Variants in ITPR1 observed in about 807,000 individuals in gnomAD.
ITPR1 encodes the protein inositol 1,4,5-trisphosphate-gated calcium channel ITPR1.
ITPR1 carries 96 observed loss-of-function variants against 318.4 expected under a neutral mutation model. The ratio of observed to expected loss-of-function variants is 0.30; its 90% CI spans 0.26 to 0.36. The LOEUF (loss-of-function observed/expected upper bound fraction) is 0.36, where lower values mean the gene tolerates loss of function less well. Among genes scored for constraint, ITPR1 ranks in the 10% least tolerant of loss-of-function variants. The pLI is 1.00. For synonymous variants in ITPR1, 1,312 were observed against 1,289.9 expected (o/e 1.02, Z -0.37); for missense variants, 2,440 against 3,460.2 (o/e 0.71, Z 7.40).
intron 7 of ITPR1, among the ~76,000 whole-genome samples, chr3:4,642,671 T>A (rs1010690665): frequency 6.6e-6 from 1 of 152,208 alleles, no homozygotes; most frequent in Non-Finnish European, 1.5e-5. Context: ...GAATTTGGGA[T>A]CAGCCTCATT....
intron 12 of ITPR1, among the ~76,000 whole-genome samples, chr3:4,656,055 C>G (rs1425491075): frequency 6.6e-6 from 1 of 152,172 alleles, no homozygotes; most frequent in Non-Finnish European, 1.5e-5. Context: ...GCTCGTCCTT[C>G]TAAATTCAGC....
intron 24 of ITPR1, among the ~76,000 whole-genome samples, chr3:4,678,603 G>A (rs1168003822): frequency 1.3e-5 from 2 of 152,204 alleles, no homozygotes; most frequent in African/African-American, 2.4e-5. Flanking sequence ...ATGAAGCTGC[G>A]TGGATGTGGA....
intron 2 of ITPR1, among the ~76,000 whole-genome samples, chr3:4,495,749 C>G (rs550934982): frequency 9.2e-5 from 14 of 152,322 alleles, no homozygotes; most frequent in African/African-American, 3.4e-4. Context: ...AGTGAAATCA[C>G]TTGCCCAGTA....
At chr3:4,507,470 A>C (rs1004909746) in intron 2 of ITPR1, among the ~76,000 whole-genome samples, 2 of 152,216 alleles carry the variant, frequency 1.3e-5, no homozygotes, top group Non-Finnish European at 2.9e-5. Flanking sequence ...CTTTCTGTTC[A>C]GAAAAAAATG....
At chr3:4,640,301 A>T (rs549645488) in intron 6 of ITPR1, among the ~76,000 whole-genome samples, 32 of 152,356 alleles carry the variant, frequency 2.1e-4, no homozygotes, top group South Asian at 1.9e-3. Flanking sequence ...AGATGGGAAC[A>T]CTAGTAAAAG....
chr3:4,562,262 G>GTT (rs960707225), intron 4 of ITPR1, among the ~76,000 whole-genome samples: 6 of 152,132 alleles, frequency 3.9e-5, no homozygotes, highest in Non-Finnish European at 5.9e-5. Context: ...TATTCTAAAA[G>GTT]TAATTCTCAA....
At chr3:4,805,715 C>A (rs2048511493) in intron 54 of ITPR1, among the ~76,000 whole-genome samples, 1 of 152,174 alleles carries the variant, frequency 6.6e-6, no homozygotes, top group Admixed American at 6.5e-5. Context: ...TGCTTTTGAT[C>A]ATGCTGATCA....
At chr3:4,497,556 G>C (rs896105419) in intron 2 of ITPR1, among the ~76,000 whole-genome samples, 3 of 152,136 alleles carry the variant, frequency 2.0e-5, no homozygotes, top group African/African-American at 7.2e-5. Flanking sequence ...CTGGTTAAAG[G>C]GGGAACAGAA....
At chr3:4,573,405 C>G (rs1254734836) in intron 4 of ITPR1, among the ~76,000 whole-genome samples, 1 of 152,188 alleles carries the variant, frequency 6.6e-6, no homozygotes, top group Non-Finnish European at 1.5e-5. Flanking sequence ...GACTATGATA[C>G]TAGTCTTCTC....
At chr3:4,590,728 A>T (rs557133060) in intron 4 of ITPR1, among the ~76,000 whole-genome samples, 4 of 151,520 alleles carry the variant, frequency 2.6e-5, no homozygotes, top group Non-Finnish European at 5.9e-5. Flanking sequence ...TCTTTTTTTT[A>T]AATTTTAGGT....
At chr3:4,613,468 A>G (rs1331774834) in intron 4 of ITPR1, among the ~76,000 whole-genome samples, 1 of 151,780 alleles carries the variant, frequency 6.6e-6, no homozygotes, top group Non-Finnish European at 1.5e-5. Flanking sequence ...AATTGGGGGG[A>G]ACTTCCCTCT....
At position 4,660,969 on chromosome 3, in the gene ITPR1, C is replaced by T. The variant is rs1250318008; in HGVS notation, c.1152-19C>T. The stretch of plus-strand genomic sequence containing the variant: ...CCTCAATATTTATTTCCCTAAAACC[C>T]TCCTTTTTTCCCTGTTAGGAACTCT... On this transcript the variant is annotated intron_variant, in intron 13 of 61. Coordinates refer to ENST00000649015, the MANE Select transcript of ITPR1 (RefSeq NM_001378452.1). The T allele has an allele frequency of 2.2e-6, 3 of 1,352,620 alleles. No individual in the cohort carries two copies. The highest frequency in any genetic ancestry group is 1.8e-5 in the Admixed American group (1 of 54,502). 83.8% of individuals were successfully genotyped at this position (1,352,620 alleles called of 1,614,324 possible). A position where few individuals can be genotyped will look rare whatever the true frequency, so the allele number is the denominator to read the frequency against.
At chr3:4,787,457 G>C (rs1224680874) in intron 51 of ITPR1, among the ~76,000 whole-genome samples, 2 of 151,478 alleles carry the variant, frequency 1.3e-5, no homozygotes, top group Non-Finnish European at 2.9e-5. Context: ...CATTTTGGGA[G>C]GCTGAGGTGG....
chr3:4,514,085 T>TAAAA (rs761609034), intron 2 of ITPR1, among the ~76,000 whole-genome samples: 6 of 135,258 alleles, frequency 4.4e-5, no homozygotes, highest in Admixed American at 7.5e-5. Context: ...AGACTCTGTC[T>TAAAA]AAAAAAAAAA....
At chr3:4,567,751 G>A (rs528608295) in intron 4 of ITPR1, among the ~76,000 whole-genome samples, 24 of 152,114 alleles carry the variant, frequency 1.6e-4, no homozygotes, top group South Asian at 4.2e-4. Flanking sequence ...ACAGGCATGC[G>A]TCACCACACC....
At chr3:4,838,798 G>A (rs1334347208) in intron 61 of ITPR1, among the ~76,000 whole-genome samples, 4 of 152,164 alleles carry the variant, frequency 2.6e-5, no homozygotes, top group African/African-American at 9.7e-5. Flanking sequence ...TGAGAAACTG[G>A]GTGTTACCAA....
chr3:4,583,571 A>G (rs566326287), intron 4 of ITPR1, among the ~76,000 whole-genome samples: 4 of 152,296 alleles, frequency 2.6e-5, no homozygotes, highest in South Asian at 4.1e-4. Context: ...AGATACTCAC[A>G]TTTCTATCAT....
At chr3:4,652,306 AG>A in intron 11 of ITPR1, 88 bp downstream of exon 11, 1 of 894,648 alleles carries the variant, frequency 1.1e-6, no homozygotes, top group Non-Finnish European at 1.8e-6. Flanking sequence ...GTGTTGTAAA[AG>A]GCTTAGGGAA....
chr3:4,667,403 C>A lies in ITPR1; in HGVS notation c.1740C>A (p.Phe580Leu). ...AGTATATAGCCAAGCAGTTTGGCTTCATGCAGAAGCAGATTGGCTATGATG... is the reference window on the plus strand; with the variant it reads ...AGTATATAGCCAAGCAGTTTGGCTTAATGCAGAAGCAGATTGGCTATGATG... ...NQEYIAKQFG[F>L]MQKQIGYDVL... Residue 580 changes from phenylalanine to leucine, a missense_variant, in exon 18 of 62, where the codon TTC (phenylalanine) becomes TTA (leucine). By Grantham distance (22) the Phe-to-Leu change is conservative (BLOSUM62 0). This residue lies in a region of ITPR1 where 478 missense variants were observed against 696.3 expected (regional missense o/e 0.69). Transcript: ENST00000649015. The A allele has an allele frequency of 6.2e-7, 1 of 1,611,646 alleles. No homozygotes were observed. Among genetic ancestry groups the A allele is most frequent in the Non-Finnish European group, 8.5e-7 (1 of 1,178,816 alleles).
Sources: gnomAD v4.1 joint callset for allele counts (sites outside exome capture counted in the v4.1 genomes callset) on GRCh38, gnomAD v4.1.1 for gene constraint, gnomAD v4.1.1 regional missense constraint, MANE v1.5 for transcripts, NCBI Gene and HGNC (gene_info 2026-07-23, HGNC 2026-07-21) for gene names.